The following HMCN1 variants were observed in gnomAD, a reference collection of about 807,000 sequenced individuals.
HMCN1 encodes the protein hemicentin-1.
A neutral mutation model predicts 625.9 loss-of-function variants in HMCN1; 321 were observed. The ratio of observed to expected loss-of-function variants is 0.51; its 90% CI spans 0.47 to 0.56. The LOEUF is 0.56. Among genes scored for constraint, HMCN1 ranks in the 20% least tolerant of loss-of-function variants. The pLI is 0.00. For missense variants in HMCN1, 6,588 were observed against 6,887.3 expected (o/e 0.96, Z 1.54); for synonymous variants, 2,425 against 2,417.6 (o/e 1.00, Z -0.09).
intron 4 of HMCN1, among the ~76,000 whole-genome samples, chr1:185,882,077 C>T (rs1257965439): frequency 6.6e-6 from 1 of 152,074 alleles, no homozygotes. Flanking sequence ...CTATTCATTT[C>T]CTATTTGAAG....
chr1:185,780,945 C>G (rs569706242), intron 1 of HMCN1, among the ~76,000 whole-genome samples: 1 of 152,302 alleles, frequency 6.6e-6, no homozygotes, highest in South Asian at 2.1e-4. Context: ...CGTTGTACCT[C>G]TGGTAGAATT....
rs1654107096 is a variant in HMCN1, at chr1:186,013,100, A to C, written c.4631-2059A>C. Among the ~76,000 whole-genome samples the C allele has an allele frequency of 2.0e-5, 3 of 152,278 alleles. No homozygotes were observed. In the South Asian group the frequency reaches 6.2e-4, roughly 32 times the overall value. Reference sequence around the variant, plus strand: ...TGCCACCAAAATTTACAGTAAGCTGAACAGAGGTAGCAGCAATGAGAATAC... The same window carrying C: ...TGCCACCAAAATTTACAGTAAGCTGCACAGAGGTAGCAGCAATGAGAATAC... On this transcript the variant is annotated intron_variant, in intron 30 of 106. Transcript: ENST00000271588.
At chr1:185,859,978 T>A (rs1276946244) in intron 2 of HMCN1, among the ~76,000 whole-genome samples, 2 of 152,096 alleles carry the variant, frequency 1.3e-5, no homozygotes, top group Admixed American at 6.6e-5. Flanking sequence ...GCCTCATAGA[T>A]CATTTTAATG....
chr1:185,997,377 G>A, intron 24 of HMCN1, 52 bp from the exon 25 acceptor site: 1 of 1,158,074 alleles, frequency 8.6e-7, no homozygotes, highest in Non-Finnish European at 1.3e-6. Flanking sequence ...CCTTAGGAGA[G>A]TTTGAAATTG....
chr1:186,124,910 G>A (rs1483450051), intron 81 of HMCN1, among the ~76,000 whole-genome samples: 1 of 151,804 alleles, frequency 6.6e-6, no homozygotes. Context: ...TTAGTTCTAA[G>A]TCCAATCAAG....
intron 4 of HMCN1, among the ~76,000 whole-genome samples, chr1:185,879,216 G>T (rs779368665): frequency 2.0e-5 from 3 of 152,156 alleles, no homozygotes; most frequent in Non-Finnish European, 4.4e-5. Context: ...TGTTGCACAG[G>T]CTAGAGTGCA....
At chr1:185,807,964 G>A (rs975989952) in intron 1 of HMCN1, among the ~76,000 whole-genome samples, 6 of 152,122 alleles carry the variant, frequency 3.9e-5, no homozygotes, top group Admixed American at 6.6e-5. Flanking sequence ...TAGAGAGACA[G>A]TTCTGCTTCA....
At chr1:185,851,164 C>A (rs1662139680) in intron 2 of HMCN1, among the ~76,000 whole-genome samples, 1 of 151,758 alleles carries the variant, frequency 6.6e-6, no homozygotes, top group African/African-American at 2.4e-5. Context: ...ATTTTCAAAC[C>A]CTTCTCCAGT....
rs147296385 is a variant in HMCN1 at position 186,145,459 on chromosome 1, G to A, written c.14323G>A (p.Gly4775Arg). Residue 4775 changes from glycine (G) to arginine (R), a missense_variant, in exon 92 of 107, where the codon GGA (glycine) becomes AGA (arginine). Gly to Arg is a moderately radical substitution (Grantham distance 125). Coordinates refer to ENST00000271588, the MANE Select transcript of HMCN1 (RefSeq NM_031935.3). ...GGGAACATGCAGCCGGACGTGTAAC[G>A]GAGGGCAGATGCGGCGGTACCGCAC... ...GWGTCSRTCN[G>R]GQMRRYRTCD... The A allele has an allele frequency of 6.8e-4, 1,100 of 1,608,586 alleles. 10 individuals are homozygous for A. Among genetic ancestry groups the A allele is most frequent in the South Asian group, 6.4e-3 (580 of 90,492 alleles).
intron 2 of HMCN1, 116 bp from the exon 3 acceptor site, chr1:185,864,354 C>A: frequency 1.1e-6 from 1 of 941,130 alleles, no homozygotes; most frequent in Non-Finnish European, 1.7e-6. Flanking sequence ...GTCAAACTGA[C>A]AGAAAATAAA....
Position 185,911,747 on chromosome 1 carries a change from GA to G in HMCN1, c.870del (p.Glu291SerfsTer9). Reference sequence around the variant, plus strand: ...ATAACTCTGCCAAAGTAGTGAATGTGAAAGAGCCAGAGGCTGGAATGTGGAC... The same window carrying G: ...ATAACTCTGCCAAAGTAGTGAATGTGAAGAGCCAGAGGCTGGAATGTGGAC... ...IHNSAKVVNV[K>X]EPEAGMWTVK... On this transcript the variant is annotated frameshift_variant, in exon 6 of 107. Coordinates refer to ENST00000271588, the MANE Select transcript of HMCN1 (RefSeq NM_031935.3). LOFTEE classifies it high-confidence loss of function. 1 of 1,613,160 alleles carries G rather than the reference GA, an allele frequency of 6.2e-7. No homozygotes were observed. Among genetic ancestry groups the G allele is most frequent in the Non-Finnish European group, 8.5e-7 (1 of 1,179,244 alleles).
intron 1 of HMCN1, among the ~76,000 whole-genome samples, chr1:185,778,373 T>G (rs1299158869): frequency 6.6e-6 from 1 of 151,906 alleles, no homozygotes; most frequent in African/African-American, 2.4e-5. Flanking sequence ...ATACTTTAAG[T>G]TCTAGGGTAC....
Position 185,925,153 on chromosome 1 carries a change from C to T in HMCN1, c.1392C>T (p.Val464=), listed in dbSNP as rs1302098971. 1.2e-6 allele frequency: 2 copies of T among 1,613,754 alleles called. No individual in the cohort carries two copies. The highest frequency in any genetic ancestry group is 2.7e-5 in the African/African-American group (2 of 74,886). The change falls in exon 9 of 107, where the codon GTC becomes GTT. Residue 464 remains valine (V), a synonymous_variant. Transcript: ENST00000271588. ...DSLLPFTLSF[V]RNGVTLGVDQ... ...TTTTGCCCTTTACCTTGAGCTTTGT[C>T]AGAAATGGAGTTACACTTGGAGTAG...
At chr1:185,804,428 A>C (rs1296244626) in intron 1 of HMCN1, among the ~76,000 whole-genome samples, 1 of 152,018 alleles carries the variant, frequency 6.6e-6, no homozygotes, top group Non-Finnish European at 1.5e-5. Flanking sequence ...TTTCTTCTAA[A>C]TACCTTGAGA....
chr1:186,072,301 T>C (rs2102348010), intron 52 of HMCN1, among the ~76,000 whole-genome samples: 1 of 152,330 alleles, frequency 6.6e-6, no homozygotes, highest in Non-Finnish European at 1.5e-5. Flanking sequence ...TGATAGAATC[T>C]TGAGTTTTAT....
At chr1:185,747,848 G>A (rs1012762732) in intron 1 of HMCN1, among the ~76,000 whole-genome samples, 2 of 151,898 alleles carry the variant, frequency 1.3e-5, no homozygotes, top group South Asian at 2.1e-4. Flanking sequence ...TGAGAACTTC[G>A]CTTTAAGCAC....
intron 16 of HMCN1, among the ~76,000 whole-genome samples, chr1:185,980,545 C>T (rs1250439588): frequency 6.6e-6 from 1 of 152,152 alleles, no homozygotes; most frequent in Non-Finnish European, 1.5e-5. Context: ...GCAGACTTCT[C>T]CAGTCATTGC....
chr1:185,952,896 C>T (rs530484656), intron 11 of HMCN1, among the ~76,000 whole-genome samples: 93 of 148,870 alleles, frequency 6.2e-4, no homozygotes, highest in Non-Finnish European at 1.1e-3. Context: ...AATTGGGGCA[C>T]AGAGATAAGA....
intron 1 of HMCN1, among the ~76,000 whole-genome samples, chr1:185,747,990 C>T (rs1317179797): frequency 6.8e-6 from 1 of 147,686 alleles, no homozygotes; most frequent in Non-Finnish European, 1.5e-5. Context: ...AAGTGAGAAG[C>T]ATGGGTGATG....
Sources: allele counts gnomAD v4.1 joint callset (sites outside exome capture counted in the v4.1 genomes callset), GRCh38; gene constraint gnomAD v4.1.1; transcripts MANE v1.5; gene names NCBI Gene and HGNC (gene_info 2026-07-23, HGNC 2026-07-21).